The following CSNK1G2 variants were observed in gnomAD, a reference collection of about 807,000 sequenced individuals.
CSNK1G2 encodes casein kinase I isoform gamma-2.
In CSNK1G2, 11 loss-of-function variants were observed where a neutral mutation model predicts 48.0. That is an observed-to-expected ratio of 0.23 (90% confidence interval 0.14 to 0.38). The LOEUF (loss-of-function observed/expected upper bound fraction) is 0.38. Among genes scored for constraint, CSNK1G2 ranks in the 10% least tolerant of loss-of-function variants. The probability of loss-of-function intolerance (pLI) is 1.00; values close to 1 mark genes in which losing one functional copy is unlikely to be tolerated. For synonymous variants in CSNK1G2, 337 were observed against 254.1 expected (o/e 1.33, Z -3.10); for missense variants, 446 against 595.5 (o/e 0.75, Z 2.61).
chr19:1,963,502 G>A (rs577948580), intron 1 of CSNK1G2, among the ~76,000 whole-genome samples: 18 of 152,022 alleles, frequency 1.2e-4, no homozygotes, highest in East Asian at 7.7e-4. Flanking sequence ...ATGAGCCACC[G>A]CGCCCAGCCT....
intron 1 of CSNK1G2, among the ~76,000 whole-genome samples, chr19:1,951,298 G>T (rs2014753270): frequency 6.9e-6 from 1 of 144,938 alleles, no homozygotes. Context: ...AGCTACTCGG[G>T]AGGCTGAGGC....
rs747879264 is a variant in CSNK1G2, at chr19:1,969,913, C to T, written c.141C>T (p.Arg47=). 9 of 1,312,020 alleles carry T rather than the reference C, an allele frequency of 6.9e-6. No homozygotes were observed. The Admixed American group carries it at 9.2e-5, about 13-fold the overall frequency. The allele number at this position is 1,312,020 out of a possible 1,614,324, so 81.3% of individuals were successfully genotyped here. A position where few individuals can be genotyped will look rare whatever the true frequency, so the allele number is the denominator to read the frequency against. The part of the protein sequence containing the change: ...SGVLMVGPNF[R]VGKKIGCGNF... ...TCCTGATGGTGGGCCCCAACTTCCG[C>T]GTCGGCAAGAAGATCGGCTGCGGCA... Residue 47 remains arginine, a synonymous_variant, in exon 2 of 12, where the codon CGC becomes CGT. Transcript: ENST00000255641.
At position 1,979,994 on chromosome 19, in the gene CSNK1G2, G is replaced by C. The variant is rs1340370003; in HGVS notation, c.1170G>C (p.Glu390Asp). ...ACGCCCCGATCACAGCGCCTGCAGAGGTGGAGGTGGCCGATGAAACCAAGT... is the reference window on the plus strand; with the variant it reads ...ACGCCCCGATCACAGCGCCTGCAGACGTGGAGGTGGCCGATGAAACCAAGT... ...HSNAPITAPA[E>D]VEVADETKCC... Residue 390 changes from glutamate to aspartate, a missense_variant, in exon 11 of 12, where the codon GAG becomes GAC. Coordinates refer to ENST00000255641, the MANE Select transcript of CSNK1G2 (RefSeq NM_001319.7). 1 of 1,581,870 alleles carries C rather than the reference G, an allele frequency of 6.3e-7. No homozygotes were observed. The highest frequency in any genetic ancestry group is 1.3e-5 in the African/African-American group (1 of 74,090).
rs2089752935 is a variant in CSNK1G2, at chr19:1,981,194, T to TG, written c.*995dup. ...GGCTGCCGGGCAGAGTGGAGCAGCT[T>TG]GGGGCCGTGCCCAGGGCGGTGGCTG... On this transcript the variant is annotated 3_prime_UTR_variant, in exon 12 of 12. Transcript: ENST00000255641. 6.6e-6 allele frequency: 1 copy of TG among 152,306 alleles called. No homozygotes were observed. Among genetic ancestry groups the TG allele is most frequent in the Non-Finnish European group, 1.5e-5 (1 of 68,116 alleles). The allele number at this position is 152,306 out of a possible 1,614,324, so 9.4% of individuals were successfully genotyped here. A position where few individuals can be genotyped will look rare whatever the true frequency, so the allele number is the denominator to read the frequency against.
chr19:1,947,849 G>A, intron 1 of CSNK1G2, among the ~76,000 whole-genome samples: 1 of 152,186 alleles, frequency 6.6e-6, no homozygotes, highest in East Asian at 1.9e-4. Flanking sequence ...CTGAGCCCTG[G>A]GTGGACCGTG....
Position 1,980,185 on chromosome 19 carries a change from G to A in CSNK1G2, c.1230G>A (p.Ser410=), listed in dbSNP as rs981282191. Residue 410 remains serine, a synonymous_variant, in exon 12 of 12, where the codon TCG becomes TCA. Transcript: ENST00000255641. The stretch of plus-strand genomic sequence containing the variant: ...TCTTCAAGAGGAGAAAGAGAAAATC[G>A]CTGCAGCGACACAAGTGACCCTGGG... The part of the protein sequence containing the change: ...CCFFKRRKRK[S]LQRHK 6 of 1,612,806 alleles carry A rather than the reference G, an allele frequency of 3.7e-6. No homozygotes were observed. The highest frequency in any genetic ancestry group is 1.7e-5 in the Admixed American group (1 of 59,996).
intron 2 of CSNK1G2, among the ~76,000 whole-genome samples, chr19:1,971,632 G>A (rs1010033107): frequency 2.0e-5 from 3 of 152,194 alleles, no homozygotes; most frequent in South Asian, 2.1e-4. Flanking sequence ...GCACAGCCCC[G>A]TGACCTGCAG....
rs111240629 is a variant in CSNK1G2, at chr19:1,959,633, G to A, written c.-265-9875G>A. The stretch of plus-strand genomic sequence containing the variant: ...TCCCCCAGCACCCGTGCCACCTTTA[G>A]TGCCACCGTGGGTCCCCCAGCACCC... On this transcript the variant is annotated intron_variant, in intron 1 of 11. Coordinates refer to ENST00000255641, the MANE Select transcript of CSNK1G2 (RefSeq NM_001319.7). Among the ~76,000 whole-genome samples, 171 of 51,446 alleles carry A rather than the reference G, an allele frequency of 3.3e-3. 8 individuals are homozygous for A. Among genetic ancestry groups the A allele is most frequent in the African/African-American group, 0.018 (110 of 6,130 alleles). 33.8% of individuals were successfully genotyped at this position (51,446 alleles called of 152,430 possible). A position where few individuals can be genotyped will look rare whatever the true frequency, so the allele number is the denominator to read the frequency against.
intron 1 of CSNK1G2, among the ~76,000 whole-genome samples, chr19:1,964,268 G>C (rs963442175): frequency 6.6e-6 from 1 of 151,302 alleles, no homozygotes; most frequent in Non-Finnish European, 1.5e-5. Context: ...ACTCCTGCCT[G>C]GGTGACAGAG....
chr19:1,975,218 G>A (rs4807188), intron 2 of CSNK1G2: 17,368 of 985,492 alleles, frequency 0.018, 282 homozygotes, highest in African/African-American at 0.071. Context: ...AGGCTGGGGA[G>A]GACGTTGGCG....
In CSNK1G2 at chr19:1,978,510, A is replaced by G. The variant is rs2015840644; in HGVS notation, c.297A>G (p.Thr99=). The change falls in exon 4 of 12, where the codon ACA becomes ACG. Residue 99 remains threonine (T), a splice_region_variant and synonymous_variant. Coordinates refer to ENST00000255641, the MANE Select transcript of CSNK1G2 (RefSeq NM_001319.7). The surrounding 1 kb of genome is among the most constrained non-coding windows in gnomAD (Gnocchi z 7.3). ...GGTTCTACAAGCAGCTCAGCGCCAC[A>G]GGTACCGGGCGGCCCGCGGGTGGGG... ...EYRFYKQLSA[T]EGVPQVYYFG... The G allele has an allele frequency of 3.2e-6, 5 of 1,584,806 alleles. No homozygotes were observed. Among genetic ancestry groups the G allele is most frequent in the Non-Finnish European group, 4.3e-6 (5 of 1,166,614 alleles).
intron 2 of CSNK1G2, among the ~76,000 whole-genome samples, chr19:1,977,448 G>A (rs76268764): frequency 0.015 from 2,233 of 152,256 alleles, 66 homozygotes; most frequent in African/African-American, 0.051. Flanking sequence ...CTCAGGGGGT[G>A]TAACATGTAA....
At chr19:1,952,587 G>T (rs11669357) in intron 1 of CSNK1G2, 64,088 of 155,512 alleles carry the variant, frequency 0.41, 15,992 homozygotes, top group Non-Finnish European at 0.56. Flanking sequence ...GCCTCCCAAA[G>T]TGTACGTATC....
intron 1 of CSNK1G2, among the ~76,000 whole-genome samples, chr19:1,950,437 C>A (rs750411266): frequency 2.7e-5 from 4 of 147,076 alleles, no homozygotes; most frequent in Admixed American, 6.8e-5. Context: ...CCGCGCCTGG[C>A]CATCAATGTT....
chr19:1,962,830 C>G (rs1309385516), intron 1 of CSNK1G2, among the ~76,000 whole-genome samples: 1 of 152,124 alleles, frequency 6.6e-6, no homozygotes, highest in East Asian at 1.9e-4. Context: ...CCACTCCCAG[C>G]TATGTACCCA....
At position 1,972,177 on chromosome 19, in the gene CSNK1G2, G is replaced by A. The variant is rs1053053549; in HGVS notation, c.187+2218G>A. 6.6e-5 allele frequency among the ~76,000 whole-genome samples: 10 copies of A among 152,342 alleles called. No individual in the cohort carries two copies. In the South Asian group the frequency reaches 1.9e-3, roughly 28 times the overall value. On this transcript the variant is annotated intron_variant, in intron 2 of 11. Coordinates refer to ENST00000255641, the MANE Select transcript of CSNK1G2 (RefSeq NM_001319.7). ...CACATCGTGGTTTCTCAGGGGTGCC[G>A]GGAGGCCGTCCATCGGAGGACACAC...
At position 1,980,324 on chromosome 19, in the gene CSNK1G2, C is replaced by T. The variant is rs1014157433; in HGVS notation, c.*121C>T. ...GCCAGACCCTGGCTGGAAGCCAGAA[C>T]GCAGACTGCAGGGGCCGCGCCTGGC... On this transcript the variant is annotated 3_prime_UTR_variant, in exon 12 of 12. Transcript: ENST00000255641. 21 of 1,266,294 alleles carry T rather than the reference C, an allele frequency of 1.7e-5. No individual in the cohort carries two copies. Among genetic ancestry groups the T allele is most frequent in the Non-Finnish European group, 2.3e-5 (20 of 881,708 alleles). The allele number at this position is 1,266,294 out of a possible 1,614,324, so 78.4% of individuals were successfully genotyped here.
intron 2 of CSNK1G2, among the ~76,000 whole-genome samples, chr19:1,976,575 G>T (rs1279617749): frequency 2.6e-5 from 4 of 152,170 alleles, no homozygotes; most frequent in African/African-American, 9.7e-5. Flanking sequence ...GGCCCAGGTG[G>T]GACCCCAGCC....
chr19:1,955,670 C>T (rs935138454), intron 1 of CSNK1G2, among the ~76,000 whole-genome samples: 11 of 152,164 alleles, frequency 7.2e-5, no homozygotes, highest in East Asian at 1.9e-4. Context: ...GAGGGGCTGT[C>T]GTGAGATGCT....
Sources: gnomAD v4.1 joint callset for allele counts (sites outside exome capture counted in the v4.1 genomes callset) on GRCh38, gnomAD v4.1.1 for gene constraint, Gnocchi (gnomAD v3.1) non-coding constraint, MANE v1.5 for transcripts, NCBI Gene and HGNC (gene_info 2026-07-23, HGNC 2026-07-21) for gene names.